The following DPP10 variants were observed in gnomAD, a reference collection of about 807,000 sequenced individuals.
The protein encoded by DPP10 is inactive dipeptidyl peptidase 10.
Under a neutral mutation model 120.9 loss-of-function variants are expected in DPP10, and 33 were observed. The observed-to-expected ratio is 0.27, with a 90% CI of 0.21 to 0.37. The LOEUF is 0.37. Ranked by LOEUF, DPP10 falls within the 10% of genes least tolerant of loss-of-function variation. The pLI is 1.00. For missense variants in DPP10, 816 were observed against 942.8 expected (o/e 0.87, Z 1.76); for synonymous variants, 337 against 326.1 (o/e 1.03, Z -0.36).
At position 115,681,740 on chromosome 2, in the gene DPP10, TTC is replaced by T. The variant is rs377165091; in HGVS notation, c.442-7933_442-7932del. Among the ~76,000 whole-genome samples, 343 of 149,038 alleles carry T rather than the reference TTC, an allele frequency of 2.3e-3. 1 individual carries two copies. Among genetic ancestry groups the T allele is most frequent in the South Asian group, 8.9e-3 (42 of 4,698 alleles). Reference sequence around the variant, plus strand: ...TCCTTTCCTTCCTTCCTTTCTTCCTTTCTCTCTCTCTCTCTTTCTCTTTCTCC... The same window carrying T: ...TCCTTTCCTTCCTTCCTTTCTTCCTTTCTCTCTCTCTCTTTCTCTTTCTCC... On this transcript the variant is annotated intron_variant, in intron 5 of 25. Coordinates refer to ENST00000410059, the MANE Select transcript of DPP10 (RefSeq NM_020868.6).
chr2:115,555,570 C>G (rs2080158489), intron 5 of DPP10, among the ~76,000 whole-genome samples: 1 of 152,090 alleles, frequency 6.6e-6, no homozygotes, highest in Admixed American at 6.6e-5. Flanking sequence ...GAGAAGGGAA[C>G]ATTTCCACAA....
intron 1 of DPP10, among the ~76,000 whole-genome samples, chr2:114,613,887 G>A (rs953084265): frequency 1.3e-5 from 2 of 151,984 alleles, no homozygotes; most frequent in African/African-American, 2.4e-5. Context: ...CAAACACCAC[G>A]TGTTCTCACT....
intron 1 of DPP10, among the ~76,000 whole-genome samples, chr2:114,910,918 T>A (rs556703541): frequency 2.6e-5 from 4 of 152,180 alleles, no homozygotes; most frequent in Non-Finnish European, 4.4e-5. Flanking sequence ...AAGTAAGACT[T>A]TGAAGAAGTA....
chr2:115,374,900 C>G (rs866968717), intron 3 of DPP10, among the ~76,000 whole-genome samples: 2 of 152,356 alleles, frequency 1.3e-5, no homozygotes, highest in African/African-American at 4.8e-5. Context: ...GCCCAGGAAA[C>G]AAATTTTTAC....
chr2:115,024,648 C>T (rs945302006), intron 1 of DPP10, among the ~76,000 whole-genome samples: 3 of 149,510 alleles, frequency 2.0e-5, no homozygotes, highest in Non-Finnish European at 3.0e-5. Context: ...TATACATACA[C>T]ACATATAACC....
intron 2 of DPP10, among the ~76,000 whole-genome samples, chr2:115,336,845 C>A (rs1423970633): frequency 6.6e-6 from 1 of 151,292 alleles, no homozygotes; most frequent in African/African-American, 2.4e-5. Flanking sequence ...TTCTGAGCCA[C>A]CTTCTCGTTG....
chr2:115,700,110 T>C (rs2091820570), intron 7 of DPP10, among the ~76,000 whole-genome samples: 1 of 152,100 alleles, frequency 6.6e-6, no homozygotes, highest in African/African-American at 2.4e-5. Flanking sequence ...CCACACACTT[T>C]TAAACAAACA....
chr2:114,480,124 A>G (rs1247751537), intron 1 of DPP10, among the ~76,000 whole-genome samples: 1 of 152,186 alleles, frequency 6.6e-6, no homozygotes, highest in Non-Finnish European at 1.5e-5. Flanking sequence ...ATCACTGGCC[A>G]TCAGAGAAAT....
At chr2:114,896,970 C>G (rs910997271) in intron 1 of DPP10, among the ~76,000 whole-genome samples, 1 of 152,156 alleles carries the variant, frequency 6.6e-6, no homozygotes, top group East Asian at 1.9e-4. Flanking sequence ...TGTCAAAAGC[C>G]TTTTCTGCAT....
At chr2:115,322,842 AAATG>A (rs1229662691) in intron 2 of DPP10, among the ~76,000 whole-genome samples, 1 of 152,202 alleles carries the variant, frequency 6.6e-6, no homozygotes, top group Non-Finnish European at 1.5e-5. Flanking sequence ...TGTATTATAA[AAATG>A]AACAGACCTT....
intron 12 of DPP10, among the ~76,000 whole-genome samples, chr2:115,764,358 T>C (rs1374586491): frequency 2.0e-5 from 3 of 152,096 alleles, no homozygotes; most frequent in African/African-American, 7.2e-5. Context: ...TACGAGTATA[T>C]GTGTCTTTGC....
chr2:115,746,152 G>C lies in DPP10; in HGVS notation c.919G>C (p.Glu307Gln). ...VNLYGPTHTL[E>Q]LMPPDSFKSR... ...CCTGTATGGACCAACTCACACTTTG[G>C]AGCTCATGCCACCTGACAGCTTTAA... Residue 307 changes from glutamate to glutamine, a missense_variant, in exon 10 of 26, where the codon GAG becomes CAG. Around this residue, in one of 3 missense-constraint regions of DPP10, gnomAD observed 592 missense variants for 649.0 expected, o/e 0.91. Coordinates refer to ENST00000410059, the MANE Select transcript of DPP10 (RefSeq NM_020868.6). 2 of 1,612,686 alleles carry C rather than the reference G, an allele frequency of 1.2e-6. No homozygotes were observed. The highest frequency in any genetic ancestry group is 1.7e-6 in the Non-Finnish European group (2 of 1,179,528).
At chr2:115,079,512 G>A (rs1460019862) in intron 1 of DPP10, among the ~76,000 whole-genome samples, 1 of 152,182 alleles carries the variant, frequency 6.6e-6, no homozygotes, top group Admixed American at 6.5e-5. Flanking sequence ...AGTGTATATT[G>A]GATTTGGGGT....
intron 1 of DPP10, among the ~76,000 whole-genome samples, chr2:115,178,015 G>A (rs1204298799): frequency 1.3e-5 from 2 of 152,004 alleles, no homozygotes; most frequent in East Asian, 1.9e-4. Context: ...CACCTGCCTC[G>A]GCCTCCCAAA....
intron 1 of DPP10, among the ~76,000 whole-genome samples, chr2:114,597,909 C>A (rs963950956): frequency 2.0e-5 from 3 of 151,914 alleles, no homozygotes; most frequent in African/African-American, 7.2e-5. Flanking sequence ...TCATTTTTGA[C>A]CACACCAATA....
chr2:115,253,830 T>G (rs1026114247), intron 1 of DPP10, among the ~76,000 whole-genome samples: 1 of 152,206 alleles, frequency 6.6e-6, no homozygotes, highest in African/African-American at 2.4e-5. Flanking sequence ...TTCTGAGGTC[T>G]CTAGGGCAGT....
intron 5 of DPP10, among the ~76,000 whole-genome samples, chr2:115,669,638 C>T (rs900147374): frequency 2.0e-5 from 3 of 152,154 alleles, no homozygotes; most frequent in Non-Finnish European, 4.4e-5. Context: ...GGCAAAATTG[C>T]TCCAGTAATG....
intron 1 of DPP10, among the ~76,000 whole-genome samples, chr2:114,881,284 A>T (rs1691582297): frequency 6.6e-6 from 1 of 152,106 alleles, no homozygotes; most frequent in Non-Finnish European, 1.5e-5. Flanking sequence ...CCATGTGGCC[A>T]ACATCTGGTA....
chr2:115,223,731 A>T (rs2057295829), intron 1 of DPP10, among the ~76,000 whole-genome samples: 1 of 152,180 alleles, frequency 6.6e-6, no homozygotes, highest in Admixed American at 6.6e-5. Flanking sequence ...TTGGGACCAG[A>T]CTAATGGGAA....
Sources: allele counts gnomAD v4.1 joint callset (sites outside exome capture counted in the v4.1 genomes callset), GRCh38; gene constraint gnomAD v4.1.1; regional missense constraint gnomAD v4.1.1; transcripts MANE v1.5; gene names NCBI Gene and HGNC (gene_info 2026-07-23, HGNC 2026-07-21).